Variants in PAX7 observed in about 807,000 individuals in gnomAD.
The protein encoded by PAX7 is paired box 7, also known as paired box protein Pax-7.
A neutral mutation model predicts 50.7 loss-of-function variants in PAX7; 18 were observed. That is an observed-to-expected ratio of 0.36 (90% CI 0.25 to 0.53). The LOEUF is 0.53. PAX7 is among the 20% of genes least tolerant of loss of function. The probability of loss-of-function intolerance (pLI) is 0.93; values close to 1 mark genes in which losing one functional copy is unlikely to be tolerated. For synonymous variants in PAX7, 310 were observed against 290.4 expected (o/e 1.07, Z -0.69); for missense variants, 644 against 702.9 (o/e 0.92, Z 0.95).
At chr1:18,744,420 A>G (rs919385696) in intron 8 of PAX7, among the ~76,000 whole-genome samples, 1 of 53,222 alleles carries the variant, frequency 1.9e-5, no homozygotes, top group African/African-American at 1.0e-4. Flanking sequence ...GAAGAGATGG[A>G]TAGATGGAAG....
intron 6 of PAX7, among the ~76,000 whole-genome samples, chr1:18,702,290 G>T (rs1191702944): frequency 6.6e-6 from 1 of 152,082 alleles, no homozygotes; most frequent in Non-Finnish European, 1.5e-5. Context: ...ACGGAGCCCA[G>T]ATCGCGCCAC....
At chr1:18,712,819 C>T (rs191292984) in intron 7 of PAX7, among the ~76,000 whole-genome samples, 214 of 152,218 alleles carry the variant, frequency 1.4e-3, no homozygotes, top group Non-Finnish European at 2.7e-3. Flanking sequence ...TGGTGGCTCA[C>T]GCCTGTAATC....
chr1:18,722,226 G>A (rs915801448), intron 7 of PAX7, among the ~76,000 whole-genome samples: 2 of 152,148 alleles, frequency 1.3e-5, no homozygotes, highest in Admixed American at 1.3e-4. Context: ...CAGAGCGGGG[G>A]GCCCAGGTTG....
chr1:18,681,472 C>T lies in PAX7; in HGVS notation c.587-10282C>T, dbSNP rs1200198282. Among the ~76,000 whole-genome samples the T allele has an allele frequency of 7.9e-5, 12 of 152,278 alleles. 1 individual carries two copies. The East Asian group carries it at 2.3e-3, about 29-fold the overall frequency. Reference sequence around the variant, plus strand: ...CTGGGTCTGCCACGAGAATACAGGGCTCTGAATTCTGTCCATGCAACTACA... The same window carrying T: ...CTGGGTCTGCCACGAGAATACAGGGTTCTGAATTCTGTCCATGCAACTACA... On this transcript the variant is annotated intron_variant, in intron 4 of 8. Coordinates refer to ENST00000420770, the MANE Select transcript of PAX7 (RefSeq NM_001135254.2).
chr1:18,661,866 C>T (rs905194945), intron 4 of PAX7, among the ~76,000 whole-genome samples: 5 of 152,142 alleles, frequency 3.3e-5, no homozygotes, highest in East Asian at 1.9e-4. Context: ...CGGAGGGCGC[C>T]GGGAGGGGGA....
intron 7 of PAX7, among the ~76,000 whole-genome samples, chr1:18,720,702 G>A (rs2089481921): frequency 6.6e-6 from 1 of 151,708 alleles, no homozygotes. Flanking sequence ...GATGGAGAGT[G>A]GTGGAGACTG....
chr1:18,732,717 T>C (rs1006739483), intron 7 of PAX7, among the ~76,000 whole-genome samples: 8 of 152,158 alleles, frequency 5.3e-5, no homozygotes, highest in Non-Finnish European at 1.0e-4. Context: ...ACTGTCAGAT[T>C]GGGCAGCAGT....
At chr1:18,730,362 T>C (rs529430009) in intron 7 of PAX7, among the ~76,000 whole-genome samples, 131 of 151,654 alleles carry the variant, frequency 8.6e-4, no homozygotes, top group African/African-American at 3.1e-3. Context: ...GTTGTCCCTC[T>C]TAGAGCCTCA....
intron 7 of PAX7, among the ~76,000 whole-genome samples, chr1:18,730,534 A>C (rs114882979): frequency 0.16 from 20,098 of 129,512 alleles, 1,242 homozygotes; most frequent in African/African-American, 0.18. Context: ...CCCACCCACC[A>C]CAAACCCTGC....
intron 4 of PAX7, among the ~76,000 whole-genome samples, chr1:18,674,549 ACC>A (rs1357992895): frequency 6.6e-6 from 1 of 152,230 alleles, no homozygotes; most frequent in Non-Finnish European, 1.5e-5. Flanking sequence ...TGGCACAGCC[ACC>A]ATGGCAAGTT....
At chr1:18,719,363 T>C (rs926319570) in intron 7 of PAX7, among the ~76,000 whole-genome samples, 2 of 152,220 alleles carry the variant, frequency 1.3e-5, no homozygotes, top group Non-Finnish European at 1.5e-5. Flanking sequence ...GATCCGCCCC[T>C]GCCCTGTTCC....
chr1:18,710,602 C>T (rs777879745), intron 7 of PAX7, among the ~76,000 whole-genome samples: 1 of 151,846 alleles, frequency 6.6e-6, no homozygotes, highest in Non-Finnish European at 1.5e-5. Flanking sequence ...TGTGCAATTA[C>T]GTCCTGATAT....
At chr1:18,717,496 C>T (rs2089441730) in intron 7 of PAX7, among the ~76,000 whole-genome samples, 1 of 152,202 alleles carries the variant, frequency 6.6e-6, no homozygotes, top group African/African-American at 2.4e-5. Flanking sequence ...GCCAGCTCTG[C>T]TCATCTCTCT....
chr1:18,645,526 G>A (rs2088325395), intron 4 of PAX7, among the ~76,000 whole-genome samples: 2 of 152,216 alleles, frequency 1.3e-5, no homozygotes, highest in South Asian at 4.1e-4. Flanking sequence ...GTTCTCTACA[G>A]TCCCAAGCCT....
intron 8 of PAX7, among the ~76,000 whole-genome samples, chr1:18,738,983 A>G (rs930287788): frequency 1.3e-5 from 2 of 152,210 alleles, no homozygotes; most frequent in Middle Eastern, 3.4e-3. Context: ...AACTTAATCC[A>G]TCTGTGGCTG....
rs2088155577 is a variant in PAX7, at chr1:18,636,299, G to A, written c.514G>A (p.Glu172Lys). 1 of 1,614,120 alleles carries A rather than the reference G, an allele frequency of 6.2e-7. No homozygotes were observed. Among genetic ancestry groups the A allele is most frequent in the Non-Finnish European group, 8.5e-7 (1 of 1,180,036 alleles). The change falls in exon 4 of 9, where the codon GAA becomes AAA. Residue 172 changes from glutamate to lysine, a missense_variant. Transcript: ENST00000420770. This position sits in a 1 kb window ranked among gnomAD's most constrained non-coding sequence, Gnocchi z 5.1. ...GTTCGGGAAGAAAGAGGAGGAGGAT[G>A]AAGCGGACAAGAAGGAGGACGACGG... Reference protein sequence around the residue: ...IKFGKKEEEDEADKKEDDGEK... With the variant: ...IKFGKKEEEDKADKKEDDGEK...
intron 4 of PAX7, among the ~76,000 whole-genome samples, chr1:18,678,988 C>T (rs1009789674): frequency 6.6e-6 from 1 of 152,202 alleles, no homozygotes; most frequent in African/African-American, 2.4e-5. Flanking sequence ...TCAGTTTTCA[C>T]ACCTGTAAAA....
intron 7 of PAX7, among the ~76,000 whole-genome samples, chr1:18,722,456 T>G (rs1469081661): frequency 6.6e-6 from 1 of 152,204 alleles, no homozygotes; most frequent in Non-Finnish European, 1.5e-5. Context: ...GTGGGCATGT[T>G]TTTGCTAATT....
chr1:18,707,050 C>T (rs985768456), intron 7 of PAX7, among the ~76,000 whole-genome samples: 1 of 152,190 alleles, frequency 6.6e-6, no homozygotes, highest in African/African-American at 2.4e-5. Flanking sequence ...TCTGCACGTG[C>T]CCCCTGGCTT....
Sources: gnomAD v4.1 joint callset for allele counts (sites outside exome capture counted in the v4.1 genomes callset) on GRCh38, gnomAD v4.1.1 for gene constraint, Gnocchi (gnomAD v3.1) non-coding constraint, MANE v1.5 for transcripts, NCBI Gene and HGNC (gene_info 2026-07-23, HGNC 2026-07-21) for gene names.